The following METTL24 variants were observed in gnomAD, a reference collection of about 807,000 sequenced individuals.
METTL24 encodes the protein probable methyltransferase-like protein 24.
A neutral mutation model predicts 32.7 loss-of-function variants in METTL24; 29 were observed. The ratio of observed to expected loss-of-function variants is 0.89; its 90% CI spans 0.66 to 1.21. The LOEUF (loss-of-function observed/expected upper bound fraction) is 1.21. Ranked by LOEUF, METTL24 falls within the 50% of genes most tolerant of loss-of-function variation. The pLI, the probability that METTL24 is intolerant of heterozygous loss-of-function variation, is 0.00. For missense variants in METTL24, 439 were observed against 468.1 expected, an observed-to-expected ratio of 0.94 and a Z score of 0.57; for synonymous variants, 163 against 179.5, an observed-to-expected ratio of 0.91 and a Z score of 0.73.
At chr6:110,301,028 CCAACCTCCACAG>C (rs1198036583) in intron 3 of METTL24, among the ~76,000 whole-genome samples, 1 of 152,144 alleles carries the variant, frequency 6.6e-6, no homozygotes, top group African/African-American at 2.4e-5. Flanking sequence ...GGTCCTGCAA[CCAACCTCCACAG>C]GTGCTGAGGG....
chr6:110,295,826 G>GAAGC (rs1771406435), intron 4 of METTL24, among the ~76,000 whole-genome samples: 1 of 151,792 alleles, frequency 6.6e-6, no homozygotes, highest in African/African-American at 2.4e-5. Flanking sequence ...AGGAAGGAAG[G>GAAGC]AAGGAAGGAA....
At chr6:110,323,002 G>A (rs758209836) in intron 1 of METTL24, 130 bp from the exon 2 acceptor site, 183 of 602,188 alleles carry the variant, frequency 3.0e-4, no homozygotes, top group Non-Finnish European at 4.8e-4. Context: ...CACACAGGCA[G>A]CAGGAGGCTC....
intron 1 of METTL24, among the ~76,000 whole-genome samples, chr6:110,343,906 G>A (rs890993256): frequency 6.6e-6 from 1 of 152,136 alleles, no homozygotes; most frequent in African/African-American, 2.4e-5. Context: ...GAAACACTGA[G>A]GTAGCAGCAG....
intron 1 of METTL24, among the ~76,000 whole-genome samples, chr6:110,338,167 CA>C (rs550815611): frequency 1.2e-3 from 185 of 152,296 alleles, no homozygotes; most frequent in African/African-American, 4.1e-3. Flanking sequence ...GCTAAATATA[CA>C]TACTCTTTCT....
intron 3 of METTL24, among the ~76,000 whole-genome samples, chr6:110,314,620 C>T (rs1771784810): frequency 6.6e-6 from 1 of 152,096 alleles, no homozygotes; most frequent in Non-Finnish European, 1.5e-5. Flanking sequence ...ACAAATCTAA[C>T]AATAGCCATT....
chr6:110,283,611 T>A (rs1215681116), intron 4 of METTL24, among the ~76,000 whole-genome samples: 1 of 152,178 alleles, frequency 6.6e-6, no homozygotes, highest in Non-Finnish European at 1.5e-5. Flanking sequence ...TGGGAACCGA[T>A]GACAGCTGAG....
intron 1 of METTL24, among the ~76,000 whole-genome samples, chr6:110,330,314 T>C (rs1371429666): frequency 2.0e-5 from 3 of 152,202 alleles, no homozygotes; most frequent in Admixed American, 6.5e-5. Flanking sequence ...TGAATCCTCA[T>C]TGACTATGTC....
chr6:110,263,496 T>C (rs1397261083), intron 4 of METTL24, among the ~76,000 whole-genome samples: 16 of 152,166 alleles, frequency 1.1e-4, no homozygotes, highest in African/African-American at 3.1e-4. Flanking sequence ...GAAGAACATT[T>C]CATGCTCATG....
At chr6:110,253,407 G>T (rs1474283551) in intron 4 of METTL24, among the ~76,000 whole-genome samples, 1 of 152,132 alleles carries the variant, frequency 6.6e-6, no homozygotes, top group Non-Finnish European at 1.5e-5. Flanking sequence ...AAGCTTGGGG[G>T]CTAATTCATT....
intron 1 of METTL24, among the ~76,000 whole-genome samples, chr6:110,334,088 G>A (rs1361568895): frequency 2.0e-5 from 3 of 148,932 alleles, no homozygotes; most frequent in South Asian, 2.2e-4. Flanking sequence ...AGGAAAAGGG[G>A]GGCCTGAGAG....
chr6:110,319,203 A>G (rs1164708055), intron 2 of METTL24, among the ~76,000 whole-genome samples: 1 of 152,172 alleles, frequency 6.6e-6, no homozygotes, highest in Non-Finnish European at 1.5e-5. Flanking sequence ...ATGTTTATAC[A>G]GTACCACTAT....
chr6:110,348,800 T>C (rs1239220967), intron 1 of METTL24, among the ~76,000 whole-genome samples: 2 of 152,178 alleles, frequency 1.3e-5, no homozygotes, highest in East Asian at 3.8e-4. Context: ...ATTCAAATAA[T>C]TTGCTTTATT....
In METTL24 at chr6:110,346,171, G is replaced by A. The variant is rs140430517; in HGVS notation, c.318+11784C>T. 6.1e-4 allele frequency among the ~76,000 whole-genome samples: 93 copies of A among 152,312 alleles called. 1 individual carries two copies. The highest frequency in any genetic ancestry group is 1.9e-4 in the Non-Finnish European group (13 of 68,028). ...TTAGACACCTCAAATGGACTTTCAAGTAGCGCTTGAAAGATCCAGCTGTTC... is the reference window on the plus strand; with the variant it reads ...TTAGACACCTCAAATGGACTTTCAAATAGCGCTTGAAAGATCCAGCTGTTC... On this transcript the variant is annotated intron_variant, in intron 1 of 4. Transcript: ENST00000338882.
intron 1 of METTL24, chr6:110,332,442 A>G: frequency 1.1e-6 from 1 of 908,158 alleles, no homozygotes; most frequent in African/African-American, 1.8e-5. Context: ...CCATATACCT[A>G]GAGTGGATCC....
chr6:110,309,371 C>T (rs1328528136), intron 3 of METTL24, among the ~76,000 whole-genome samples: 1 of 152,144 alleles, frequency 6.6e-6, no homozygotes, highest in Non-Finnish European at 1.5e-5. Context: ...AAATGACACA[C>T]TAGTGGGTAA....
In METTL24 at chr6:110,308,727, T is replaced by G. The variant is rs186067396; in HGVS notation, c.557+6615A>C. Among the ~76,000 whole-genome samples, 120 of 152,296 alleles carry G rather than the reference T, an allele frequency of 7.9e-4. 1 individual carries two copies. The highest frequency in any genetic ancestry group is 2.8e-3 in the African/African-American group (117 of 41,570). Reference sequence around the variant, plus strand: ...ATGAATGAATAAATAAAATGTGATGTAACCATACCAAAATTCATACAATGG... The same window carrying G: ...ATGAATGAATAAATAAAATGTGATGGAACCATACCAAAATTCATACAATGG... On this transcript the variant is annotated intron_variant, in intron 3 of 4. Transcript: ENST00000338882.
chr6:110,356,427 A>T (rs1772700948), intron 1 of METTL24, among the ~76,000 whole-genome samples: 1 of 152,154 alleles, frequency 6.6e-6, no homozygotes, highest in South Asian at 2.1e-4. Flanking sequence ...TGGGCGACAC[A>T]GCAAGACTCC....
intron 4 of METTL24, among the ~76,000 whole-genome samples, chr6:110,262,825 C>A (rs1199571449): frequency 6.6e-6 from 1 of 152,182 alleles, no homozygotes; most frequent in Non-Finnish European, 1.5e-5. Context: ...ATACACAAAT[C>A]AATAAACGTA....
Position 110,315,401 on chromosome 6 carries a change from G to C in METTL24, c.498C>G (p.Asp166Glu). 1.9e-6 allele frequency: 3 copies of C among 1,614,138 alleles called. No individual in the cohort carries two copies. The highest frequency in any genetic ancestry group is 1.7e-6 in the Non-Finnish European group (2 of 1,180,030). Residue 166 changes from aspartate to glutamate, a missense_variant, in exon 3 of 5, where the codon GAC becomes GAG. Physicochemically the swap from Asp to Glu is conservative, Grantham distance 45. Coordinates refer to ENST00000338882, the MANE Select transcript of METTL24 (RefSeq NM_001123364.3). ...TTTGATGAGCTAAATTGAACCTGTC[G>C]TCAAGACACACTGACCAGGGCTTGT... Reference protein sequence around the residue: ...PTHKPWSVCLDDRFNLAHQIR... With the variant: ...PTHKPWSVCLEDRFNLAHQIR...
Sources: allele counts gnomAD v4.1 joint callset (sites outside exome capture counted in the v4.1 genomes callset), GRCh38; gene constraint gnomAD v4.1.1; transcripts MANE v1.5; gene names NCBI Gene and HGNC (gene_info 2026-07-23, HGNC 2026-07-21).